Variants in EML6 observed in about 807,000 individuals in gnomAD.
EML6 encodes the protein EMAP like 6, also known as echinoderm microtubule-associated protein-like 6.
EML6 carries 154 observed loss-of-function variants against 240.1 expected under a neutral mutation model. That is an observed-to-expected ratio of 0.64 (90% CI 0.56 to 0.73). The LOEUF is 0.73. Ranked by LOEUF, EML6 falls within the 30% of genes least tolerant of loss-of-function variation. EML6 has a pLI of 0.00. For synonymous variants in EML6, 1,148 were observed against 899.0 expected, an observed-to-expected ratio of 1.28 and a Z score of -4.95; for missense variants, 2,964 against 2,474.6, an observed-to-expected ratio of 1.20 and a Z score of -4.20.
chr2:54,924,351 A>G (rs773586369), intron 26 of EML6, among the ~76,000 whole-genome samples: 1 of 149,050 alleles, frequency 6.7e-6, no homozygotes, highest in Non-Finnish European at 1.5e-5. Flanking sequence ...ATGACTAAGG[A>G]TGCTGAGCAC....
chr2:54,896,279 A>C (rs550339768), intron 21 of EML6, among the ~76,000 whole-genome samples: 1 of 152,304 alleles, frequency 6.6e-6, no homozygotes, highest in South Asian at 2.1e-4. Context: ...AAAATGAACA[A>C]GACAAATTAC....
chr2:54,809,828 C>G (rs1667738902), intron 2 of EML6, among the ~76,000 whole-genome samples: 1 of 152,054 alleles, frequency 6.6e-6, no homozygotes, highest in South Asian at 2.1e-4. Flanking sequence ...AATGACATGA[C>G]AAATTTAAAA....
intron 2 of EML6, among the ~76,000 whole-genome samples, chr2:54,744,088 G>A (rs987902790): frequency 4.7e-5 from 7 of 150,182 alleles, no homozygotes. Flanking sequence ...ACAATTCTGG[G>A]CATTTACATT....
At chr2:54,950,270 G>A (rs944609469) in intron 29 of EML6, among the ~76,000 whole-genome samples, 2 of 152,192 alleles carry the variant, frequency 1.3e-5, no homozygotes, top group African/African-American at 4.8e-5. Context: ...GAGTTTATTA[G>A]AGCAAACCTC....
At chr2:54,749,970 T>G (rs945479326) in intron 2 of EML6, among the ~76,000 whole-genome samples, 3 of 152,214 alleles carry the variant, frequency 2.0e-5, no homozygotes, top group African/African-American at 7.2e-5. Flanking sequence ...CTAGCCCTCT[T>G]CTAAGAATTT....
intron 2 of EML6, among the ~76,000 whole-genome samples, chr2:54,798,241 C>T (rs1480943410): frequency 3.9e-5 from 6 of 152,272 alleles, no homozygotes; most frequent in African/African-American, 7.2e-5. Flanking sequence ...GGCACCATCT[C>T]GGCTCACTGC....
chr2:54,727,978 G>A (rs900983509), intron 2 of EML6, among the ~76,000 whole-genome samples: 4 of 152,178 alleles, frequency 2.6e-5, no homozygotes, highest in African/African-American at 9.7e-5. Flanking sequence ...TGCTTTGACA[G>A]GCTATATGTC....
chr2:54,892,802 A>C (rs370771218), intron 19 of EML6, 146 bp downstream of exon 19: 15 of 617,294 alleles, frequency 2.4e-5, no homozygotes, highest in Non-Finnish European at 4.1e-5. Context: ...TCAAGAGACA[A>C]TAGGGAGGAA....
rs1426598709 is a variant in EML6 at position 54,919,242 on chromosome 2, T to C, written c.3675+2307T>C. Reference sequence around the variant, plus strand: ...GTTCCTAACTTTCCTCTATTTTGCTTCCCCCCCCCCCCAATCCTTTTCAAA... The same window carrying C: ...GTTCCTAACTTTCCTCTATTTTGCTCCCCCCCCCCCCCAATCCTTTTCAAA... On this transcript the variant is annotated intron_variant, in intron 26 of 41. Transcript: ENST00000356458. 3.2e-4 allele frequency among the ~76,000 whole-genome samples: 41 copies of C among 128,496 alleles called. 1 individual carries two copies. The highest frequency in any genetic ancestry group is 1.2e-3 in the African/African-American group (39 of 32,420). 84.3% of individuals were successfully genotyped at this position (128,496 alleles called of 152,430 possible). A position where few individuals can be genotyped will look rare whatever the true frequency, so the allele number is the denominator to read the frequency against.
At chr2:54,871,732 T>G in intron 16 of EML6, 127 bp downstream of exon 16, 1 of 718,338 alleles carries the variant, frequency 1.4e-6, no homozygotes. Context: ...GTCGTTCTGT[T>G]TGTATTGAAG....
chr2:54,910,901 A>G (rs1673604063), intron 24 of EML6, 53 bp from the exon 25 acceptor site: 1 of 884,722 alleles, frequency 1.1e-6, no homozygotes, highest in Non-Finnish European at 1.8e-6. Flanking sequence ...ATTTTATAAT[A>G]AAGAGATAAA....
At chr2:54,734,351 T>C (rs1683300567) in intron 2 of EML6, among the ~76,000 whole-genome samples, 1 of 152,110 alleles carries the variant, frequency 6.6e-6, no homozygotes, top group Non-Finnish European at 1.5e-5. Flanking sequence ...AAATAAAAAT[T>C]GGTGATATGA....
At chr2:54,767,624 G>A (rs1668237589) in intron 2 of EML6, among the ~76,000 whole-genome samples, 2 of 143,956 alleles carry the variant, frequency 1.4e-5, no homozygotes, top group African/African-American at 2.5e-5. Flanking sequence ...GTGTGTGTGT[G>A]TGTGTGTATG....
chr2:54,944,976 C>A (rs1239559689), intron 28 of EML6, among the ~76,000 whole-genome samples: 4 of 149,784 alleles, frequency 2.7e-5, no homozygotes, highest in Non-Finnish European at 5.9e-5. Context: ...TGTTTCTCGC[C>A]CCTCCCTTTC....
intron 32 of EML6, 48 bp from the exon 33 acceptor site, chr2:54,957,742 G>T: frequency 6.6e-7 from 1 of 1,526,038 alleles, no homozygotes; most frequent in Non-Finnish European, 8.9e-7. Context: ...CCCCCGGCCT[G>T]GCCCATGAAG....
intron 2 of EML6, among the ~76,000 whole-genome samples, chr2:54,806,219 A>G (rs1670469358): frequency 6.6e-6 from 1 of 152,034 alleles, no homozygotes; most frequent in African/African-American, 2.4e-5. Flanking sequence ...GTCCATTCCA[A>G]ATGGTTTTTA....
chr2:54,915,865 A>G (rs932748194), intron 25 of EML6, among the ~76,000 whole-genome samples: 5 of 152,228 alleles, frequency 3.3e-5, no homozygotes, highest in African/African-American at 1.2e-4. Context: ...AAGAAACTGG[A>G]ATATTAAGGT....
intron 2 of EML6, among the ~76,000 whole-genome samples, chr2:54,807,514 C>T (rs920141641): frequency 1.3e-5 from 2 of 152,132 alleles, no homozygotes; most frequent in Admixed American, 1.3e-4. Context: ...ATTTGTAGCA[C>T]TTAGTGATTT....
intron 21 of EML6, 31 bp from the exon 22 acceptor site, chr2:54,899,610 A>G (rs1328529210): frequency 6.5e-7 from 1 of 1,549,124 alleles, no homozygotes; most frequent in African/African-American, 1.4e-5. Context: ...GCATAAGTAG[A>G]GTTTATGTTG....
Sources: gnomAD v4.1 joint callset for allele counts (sites outside exome capture counted in the v4.1 genomes callset) on GRCh38, gnomAD v4.1.1 for gene constraint, MANE v1.5 for transcripts, NCBI Gene and HGNC (gene_info 2026-07-23, HGNC 2026-07-21) for gene names.